The following OR2L13 variants were observed in gnomAD, a reference collection of about 807,000 sequenced individuals.
OR2L13 encodes olfactory receptor family 2 subfamily L member 13, also known as olfactory receptor 2L13.
A neutral mutation model predicts 15.3 loss-of-function variants in OR2L13; 14 were observed. That is an observed-to-expected ratio of 0.91 (90% CI 0.60 to 1.43). The LOEUF (loss-of-function observed/expected upper bound fraction) is 1.43, where lower values mean the gene tolerates loss of function less well. OR2L13 is among the 40% of genes most tolerant of loss of function. The pLI, the probability that OR2L13 is intolerant of heterozygous loss-of-function variation, is 0.00. For synonymous variants in OR2L13, 152 were observed against 142.9 expected, an observed-to-expected ratio of 1.06 and a Z score of -0.45; for missense variants, 367 against 387.9, an observed-to-expected ratio of 0.95 and a Z score of 0.45.
At chr1:248,088,124 T>C in the OR2L13 span, among the ~76,000 whole-genome samples, 1 of 152,222 alleles carries the variant, frequency 6.6e-6, no homozygotes, top group African/African-American at 2.4e-5. Context: ...ATACCATACC[T>C]ATATTTAACT....
the OR2L13 span, among the ~76,000 whole-genome samples, chr1:248,000,461 T>C: frequency 7.6e-4 from 116 of 152,272 alleles, no homozygotes; most frequent in African/African-American, 2.7e-3. Flanking sequence ...TAAATTAGAG[T>C]ACTTTCTTCA....
At chr1:248,088,368 G>T in the OR2L13 span, among the ~76,000 whole-genome samples, 1 of 151,886 alleles carries the variant, frequency 6.6e-6, no homozygotes, top group Admixed American at 6.6e-5. Flanking sequence ...AAATGTTTTT[G>T]TGTTTTGTTT....
chr1:248,047,934 G>T, the OR2L13 span, among the ~76,000 whole-genome samples: 1 of 152,136 alleles, frequency 6.6e-6, no homozygotes, highest in Non-Finnish European at 1.5e-5. Context: ...TCTCCCTGTT[G>T]TAATTATAAG....
chr1:248,018,848 G>A, the OR2L13 span, among the ~76,000 whole-genome samples: 1 of 152,032 alleles, frequency 6.6e-6, no homozygotes. Flanking sequence ...TCCACTTTAT[G>A]TCTCTATGAA....
At chr1:248,015,548 C>T in the OR2L13 span, among the ~76,000 whole-genome samples, 1 of 152,162 alleles carries the variant, frequency 6.6e-6, no homozygotes, top group South Asian at 2.1e-4. Flanking sequence ...ACCTGTTTTA[C>T]CATTTCCTAG....
At chr1:247,964,617 ACT>A in the OR2L13 span, among the ~76,000 whole-genome samples, 4 of 151,770 alleles carry the variant, frequency 2.6e-5, no homozygotes, top group Non-Finnish European at 4.4e-5. Flanking sequence ...AATATTTAAT[ACT>A]CTATTTTATA....
chr1:248,036,063 CACTT>C, the OR2L13 span, among the ~76,000 whole-genome samples: 8 of 152,022 alleles, frequency 5.3e-5, no homozygotes, highest in African/African-American at 1.2e-4. Context: ...AAATATTTCT[CACTT>C]ACTTTGTGAT....
the OR2L13 span, among the ~76,000 whole-genome samples, chr1:248,067,638 T>C: frequency 6.6e-6 from 1 of 152,164 alleles, no homozygotes; most frequent in Admixed American, 6.5e-5. Context: ...TGCCAGACAG[T>C]GGGCACAGGA....
the OR2L13 span, among the ~76,000 whole-genome samples, chr1:247,958,153 G>T: frequency 6.6e-6 from 1 of 151,978 alleles, no homozygotes; most frequent in South Asian, 2.1e-4. Context: ...CTTTGTTCTT[G>T]TTGGTTTCAA....
chr1:247,979,626 A>G, the OR2L13 span, among the ~76,000 whole-genome samples: 27,843 of 151,854 alleles, frequency 0.18, 5,115 homozygotes, highest in African/African-American at 0.48. Context: ...AAACATATGT[A>G]TGCATGTGTC....
the OR2L13 span, among the ~76,000 whole-genome samples, chr1:247,987,962 T>G: frequency 6.6e-6 from 1 of 152,160 alleles, no homozygotes. Flanking sequence ...TTCTTCTGAT[T>G]ATTATTACTA....
At chr1:247,951,193 T>G in the OR2L13 span, among the ~76,000 whole-genome samples, 12 of 152,230 alleles carry the variant, frequency 7.9e-5, no homozygotes, top group Admixed American at 3.3e-4. Flanking sequence ...ACTACATCTT[T>G]GTAGTATAGT....
chr1:248,055,521 C>A, the OR2L13 span, among the ~76,000 whole-genome samples: 5 of 152,104 alleles, frequency 3.3e-5, no homozygotes, highest in African/African-American at 1.2e-4. Context: ...TCTGGAAGGC[C>A]AAGGCAGGTG....
chr1:248,027,902 A>C, the OR2L13 span, among the ~76,000 whole-genome samples: 1 of 151,954 alleles, frequency 6.6e-6, no homozygotes, highest in Non-Finnish European at 1.5e-5. Context: ...GCACTTTGGG[A>C]GGCTGAGGTG....
chr1:247,967,932 TTC>T, the OR2L13 span, among the ~76,000 whole-genome samples: 2 of 151,752 alleles, frequency 1.3e-5, no homozygotes, highest in Non-Finnish European at 2.9e-5. Context: ...TCCTTCTTTC[TTC>T]TTTCTTTCTT....
the OR2L13 span, among the ~76,000 whole-genome samples, chr1:247,993,791 GAGAGAGAGAGAGAGAGAGAGAA>G: frequency 8.1e-5 from 11 of 135,860 alleles, no homozygotes; most frequent in African/African-American, 4.0e-4. Context: ...GAGAGAGAGA[GAGAGAGAGAGAGAGAGAGAGAA>G]AGAAAGAGAA....
chr1:247,957,993 G>C, the OR2L13 span, among the ~76,000 whole-genome samples: 4 of 152,002 alleles, frequency 2.6e-5, no homozygotes, highest in Non-Finnish European at 5.9e-5. Flanking sequence ...GCTTTTGAAT[G>C]TGTTTGCTCT....
At chr1:247,949,017 C>G in the OR2L13 span, 1 of 1,613,794 alleles carries the variant, frequency 6.2e-7, no homozygotes, top group East Asian at 2.2e-5. Context: ...GGACACCCAT[C>G]TCCACACACC....
At chr1:248,085,431 T>TAAAAG in the OR2L13 span, among the ~76,000 whole-genome samples, 1 of 80,900 alleles carries the variant, frequency 1.2e-5, no homozygotes, top group African/African-American at 6.0e-5. Flanking sequence ...TAAAATAAAA[T>TAAAAG]AAAATAATAA....
Sources: gnomAD v4.1 joint callset for allele counts (sites outside exome capture counted in the v4.1 genomes callset) on GRCh38, gnomAD v4.1.1 for gene constraint, MANE v1.5 for transcripts, NCBI Gene and HGNC (gene_info 2026-07-23, HGNC 2026-07-21) for gene names.